Variants in LINGO2 observed in about 807,000 individuals in gnomAD.
LINGO2 encodes leucine-rich repeat and immunoglobulin-like domain-containing nogo receptor-interacting protein 2.
In LINGO2, 14 loss-of-function variants were observed where a neutral mutation model predicts 30.6. That is an observed-to-expected ratio of 0.46 (90% CI 0.30 to 0.72). The LOEUF (loss-of-function observed/expected upper bound fraction) is 0.72, where lower values mean the gene tolerates loss of function less well. Among genes scored for constraint, LINGO2 ranks in the 30% least tolerant of loss-of-function variants. The pLI, the probability that LINGO2 is intolerant of heterozygous loss-of-function variation, is 0.07. For missense variants in LINGO2, 729 were observed against 751.7 expected (o/e 0.97, Z 0.35); for synonymous variants, 317 against 288.5 (o/e 1.10, Z -1.00).
chr9:28,828,981 A>T, the LINGO2 span, among the ~76,000 whole-genome samples: 42 of 152,218 alleles, frequency 2.8e-4, no homozygotes, highest in Admixed American at 9.8e-4. Flanking sequence ...CCAAAGTGAG[A>T]ACATGCAATC....
At chr9:28,322,918 T>C (rs533571779) in intron 3 of LINGO2, among the ~76,000 whole-genome samples, 31 of 152,354 alleles carry the variant, frequency 2.0e-4, no homozygotes, top group African/African-American at 7.0e-4. Flanking sequence ...CCTATTTATA[T>C]GTACACAGTG....
rs12001814 is a variant in LINGO2 at position 28,479,899 on chromosome 9, A to G, written c.-364-3874T>C. On this transcript the variant is annotated intron_variant, in intron 1 of 5. Coordinates refer to ENST00000379992, the Ensembl canonical transcript of LINGO2. Reference sequence around the variant, plus strand: ...TGTGTGTGTGTATGTGTGTATGTGTATATATACGTAGGTATATATATATAT... The same window carrying G: ...TGTGTGTGTGTATGTGTGTATGTGTGTATATACGTAGGTATATATATATAT... Among the ~76,000 whole-genome samples, 341 of 105,310 alleles carry G rather than the reference A, an allele frequency of 3.2e-3. 2 individuals carry two copies. The highest frequency in any genetic ancestry group is 5.0e-3 in the African/African-American group (151 of 30,132). The allele number at this position is 105,310 out of a possible 152,430, so 69.1% of individuals were successfully genotyped here. A position where few individuals can be genotyped will look rare whatever the true frequency, so the allele number is the denominator to read the frequency against.
chr9:28,444,896 G>A (rs1587685253), intron 2 of LINGO2, among the ~76,000 whole-genome samples: 1 of 152,188 alleles, frequency 6.6e-6, no homozygotes, highest in Non-Finnish European at 1.5e-5. Flanking sequence ...CAAGCCAAGT[G>A]CAGTCTGCTG....
At chr9:29,073,391 G>A in the LINGO2 span, among the ~76,000 whole-genome samples, 1 of 152,068 alleles carries the variant, frequency 6.6e-6, no homozygotes, top group Admixed American at 6.6e-5. Context: ...CCTTTGAGGT[G>A]CCCTTAGTCT....
At chr9:28,433,914 G>GCCCTCTCT (rs1823785852) in intron 2 of LINGO2, among the ~76,000 whole-genome samples, 1 of 83,860 alleles carries the variant, frequency 1.2e-5, no homozygotes, top group Admixed American at 1.4e-4. Context: ...AAGAAAATGT[G>GCCCTCTCT]CTCTCTCTTT....
At chr9:28,987,129 C>A in the LINGO2 span, among the ~76,000 whole-genome samples, 1 of 132,806 alleles carries the variant, frequency 7.5e-6, no homozygotes, top group Non-Finnish European at 1.6e-5. Flanking sequence ...GATTTCTATA[C>A]CTAAGATGCC....
At chr9:28,144,258 T>C (rs960591163) in intron 4 of LINGO2, among the ~76,000 whole-genome samples, 12 of 152,184 alleles carry the variant, frequency 7.9e-5, no homozygotes, top group African/African-American at 2.4e-4. Flanking sequence ...GAGAAAAATA[T>C]ACCTTTTTCC....
intron 1 of LINGO2, among the ~76,000 whole-genome samples, chr9:28,476,534 C>A (rs2135195773): frequency 6.6e-6 from 1 of 152,312 alleles, no homozygotes; most frequent in Admixed American, 6.5e-5. Context: ...CGCGGCCTCC[C>A]AAAGTGCTGG....
Position 28,147,777 on chromosome 9 carries a change from G to A in LINGO2, c.-86-135372C>T, listed in dbSNP as rs577001136. Among the ~76,000 whole-genome samples, 82 of 152,236 alleles carry A rather than the reference G, an allele frequency of 5.4e-4. 1 individual carries two copies. The South Asian group carries it at 0.01, about 19-fold the overall frequency. On this transcript the variant is annotated intron_variant, in intron 4 of 5. Transcript: ENST00000379992. This position sits in a 1 kb window ranked among gnomAD's most constrained non-coding sequence, Gnocchi z 4.7. ...TAGAGTCCAGCTGGACCGGTGGAAG[G>A]GTCTCACCCTTTGCCCTTTGACTCC...
the LINGO2 span, among the ~76,000 whole-genome samples, chr9:29,060,004 T>G: frequency 5.9e-5 from 9 of 152,058 alleles, no homozygotes; most frequent in Non-Finnish European, 1.0e-4. Context: ...AAATGCAAAA[T>G]TCAACTTCTA....
intron 3 of LINGO2, among the ~76,000 whole-genome samples, chr9:28,372,067 G>C (rs1820924138): frequency 6.6e-6 from 1 of 152,096 alleles, no homozygotes. Context: ...TATATGAATA[G>C]TAGATGGATG....
In LINGO2 at chr9:28,348,647, A is replaced by G. The variant is rs577934160; in HGVS notation, c.-246+24189T>C. 7.7e-4 allele frequency among the ~76,000 whole-genome samples: 117 copies of G among 152,224 alleles called. 1 individual carries two copies. Among genetic ancestry groups the G allele is most frequent in the Admixed American group, 5.6e-3 (85 of 15,296 alleles). On this transcript the variant is annotated intron_variant, in intron 3 of 5. Transcript: ENST00000379992. ...AAGCTGGAACTGGGTGGAGCCCACC[A>G]CAGCTCAAGGAGGCCTGCCTGCCTC... is the stretch of plus-strand genomic sequence containing the variant.
the LINGO2 span, among the ~76,000 whole-genome samples, chr9:29,092,838 G>A: frequency 1.5e-5 from 2 of 133,998 alleles, 1 homozygote; most frequent in Non-Finnish European, 3.2e-5. Flanking sequence ...ATTAACATTT[G>A]TACATATGAA....
the LINGO2 span, among the ~76,000 whole-genome samples, chr9:28,743,549 A>G: frequency 6.6e-6 from 1 of 151,980 alleles, no homozygotes; most frequent in Non-Finnish European, 1.5e-5. Context: ...TTCATTTTTA[A>G]AAGGTAGTTT....
intron 5 of LINGO2, among the ~76,000 whole-genome samples, chr9:28,004,444 G>A (rs953532895): frequency 4.6e-5 from 7 of 152,108 alleles, no homozygotes; most frequent in Non-Finnish European, 1.0e-4. Context: ...ATTGATCTTA[G>A]TTTCAAAATA....
chr9:28,886,566 C>T, the LINGO2 span, among the ~76,000 whole-genome samples: 490 of 152,206 alleles, frequency 3.2e-3, 2 homozygotes, highest in African/African-American at 0.011. Flanking sequence ...ACAAAATATA[C>T]CACAGTTACT....
the LINGO2 span, among the ~76,000 whole-genome samples, chr9:28,779,717 C>A: frequency 1.3e-5 from 2 of 152,036 alleles, no homozygotes; most frequent in African/African-American, 4.8e-5. Flanking sequence ...ATTGCTTTTT[C>A]TTAAATTGCA....
chr9:28,403,664 T>A (rs1326428108), intron 2 of LINGO2, among the ~76,000 whole-genome samples: 1 of 152,036 alleles, frequency 6.6e-6, no homozygotes, highest in African/African-American at 2.4e-5. Context: ...CTTTTTTTTT[T>A]TTTTTCAAAG....
the LINGO2 span, among the ~76,000 whole-genome samples, chr9:28,979,051 C>T: frequency 1.3e-5 from 2 of 151,970 alleles, no homozygotes; most frequent in African/African-American, 4.8e-5. Flanking sequence ...TCCAATATTT[C>T]TCTCTTCTAC....
Sources: allele counts gnomAD v4.1 joint callset (sites outside exome capture counted in the v4.1 genomes callset), GRCh38; gene constraint gnomAD v4.1.1; non-coding constraint Gnocchi (gnomAD v3.1); transcripts MANE v1.5; gene names NCBI Gene and HGNC (gene_info 2026-07-23, HGNC 2026-07-21).